Variants in FOXP1 observed in about 807,000 individuals in gnomAD.
The protein encoded by FOXP1 is forkhead box P1.
A neutral mutation model predicts 98.2 loss-of-function variants in FOXP1; 15 were observed. The ratio of observed to expected loss-of-function variants is 0.15; its 90% CI spans 0.10 to 0.24. The LOEUF (loss-of-function observed/expected upper bound fraction) is 0.24. FOXP1 is among the 10% of genes least tolerant of loss of function. The pLI, the probability that FOXP1 is intolerant of heterozygous loss-of-function variation, is 1.00. For synonymous variants in FOXP1, 371 were observed against 314.5 expected, an observed-to-expected ratio of 1.18 and a Z score of -1.90; for missense variants, 633 against 848.5, an observed-to-expected ratio of 0.75 and a Z score of 3.15.
At position 71,492,223 on chromosome 3, in the gene FOXP1, G is replaced by A. The variant is rs528564857; in HGVS notation, c.-168+1203C>T. ...TCCCAGCACTTTAGGAGGCTGAGAC[G>A]GGCGGATCACCTGAGGTCAGGAGTT... is the stretch of plus-strand genomic sequence containing the variant. On this transcript the variant is annotated intron_variant, in intron 3 of 20. Coordinates refer to ENST00000649528, the MANE Select transcript of FOXP1 (RefSeq NM_001349338.3). 1.2e-4 allele frequency among the ~76,000 whole-genome samples: 18 copies of A among 152,160 alleles called. No individual in the cohort carries two copies. In the South Asian group the frequency reaches 2.7e-3, roughly 23 times the overall value.
chr3:71,068,938 G>T (rs896702085), intron 7 of FOXP1, among the ~76,000 whole-genome samples: 4 of 152,198 alleles, frequency 2.6e-5, no homozygotes, highest in Admixed American at 1.3e-4. Flanking sequence ...GAGATCTGGG[G>T]ATTTGTCTCC....
chr3:71,543,693 A>G (rs1284319692), intron 2 of FOXP1: 3 of 152,238 alleles, frequency 2.0e-5, no homozygotes, highest in Non-Finnish European at 4.4e-5. Flanking sequence ...CTGCCTCAAA[A>G]CAGAGTGGGG....
chr3:71,042,540 C>A (rs1315293785), intron 10 of FOXP1, among the ~76,000 whole-genome samples: 1 of 152,172 alleles, frequency 6.6e-6, no homozygotes, highest in Non-Finnish European at 1.5e-5. Context: ...AGCAACAAAA[C>A]TTCCTTTGGA....
intron 4 of FOXP1, among the ~76,000 whole-genome samples, chr3:71,344,540 A>G (rs535602225): frequency 1.3e-5 from 2 of 152,364 alleles, no homozygotes; most frequent in Admixed American, 1.3e-4. Context: ...CAGACCAAAT[A>G]AGAATCATAT....
intron 2 of FOXP1, among the ~76,000 whole-genome samples, chr3:71,564,193 T>C (rs1287235396): frequency 6.6e-6 from 1 of 152,240 alleles, no homozygotes; most frequent in Non-Finnish European, 1.5e-5. Context: ...ATTAACCTGA[T>C]GTTCCAAAGC....
intron 17 of FOXP1, among the ~76,000 whole-genome samples, chr3:70,976,565 T>C (rs892182264): frequency 2.0e-5 from 3 of 152,172 alleles, no homozygotes; most frequent in Admixed American, 6.5e-5. Context: ...TGGAGATAGA[T>C]CGCTGGAGAT....
At chr3:71,095,889 C>T (rs940027231) in intron 7 of FOXP1, among the ~76,000 whole-genome samples, 2 of 152,208 alleles carry the variant, frequency 1.3e-5, no homozygotes, top group Non-Finnish European at 2.9e-5. Context: ...AGGAGATGAA[C>T]TGTACATTTT....
At chr3:71,298,520 G>A (rs932509877) in intron 5 of FOXP1, among the ~76,000 whole-genome samples, 7 of 152,076 alleles carry the variant, frequency 4.6e-5, no homozygotes, top group Non-Finnish European at 1.0e-4. Flanking sequence ...CCTCAGCAAA[G>A]GGAAGTGTCT....
chr3:70,972,720 A>T, intron 17 of FOXP1, 44 bp from the exon 18 acceptor site: 1 of 1,602,772 alleles, frequency 6.2e-7, no homozygotes, highest in Non-Finnish European at 8.5e-7. Flanking sequence ...TTTCTATAAG[A>T]AAAGACTCCA....
chr3:71,206,365 T>C (rs374178545), intron 5 of FOXP1, among the ~76,000 whole-genome samples: 2 of 152,218 alleles, frequency 1.3e-5, no homozygotes, highest in East Asian at 1.9e-4. Flanking sequence ...GATGATCTCA[T>C]TAAACATTGA....
chr3:71,472,843 G>A (rs1475943202), intron 3 of FOXP1, among the ~76,000 whole-genome samples: 1 of 152,180 alleles, frequency 6.6e-6, no homozygotes, highest in African/African-American at 2.4e-5. Context: ...TAGCTCTGCA[G>A]CTGCCATTTA....
At chr3:71,465,592 T>C (rs2088625223) in intron 3 of FOXP1, among the ~76,000 whole-genome samples, 2 of 152,148 alleles carry the variant, frequency 1.3e-5, no homozygotes, top group South Asian at 2.1e-4. Context: ...AACCTCACGT[T>C]TATTCATGCA....
chr3:71,387,193 T>G (rs1864898), intron 3 of FOXP1, among the ~76,000 whole-genome samples: 32,187 of 152,114 alleles, frequency 0.21, 4,528 homozygotes, highest in African/African-American at 0.39. Context: ...AAGGACAGAA[T>G]TTGAATATGA....
chr3:71,047,835 G>T (rs1447583505), intron 9 of FOXP1, among the ~76,000 whole-genome samples: 4 of 152,142 alleles, frequency 2.6e-5, no homozygotes, highest in African/African-American at 9.7e-5. Flanking sequence ...TGAAAAGAAG[G>T]GGCTTTACGA....
Position 71,359,260 on chromosome 3 carries a change from AAAG to A in FOXP1, c.-167-19_-167-17del, listed in dbSNP as rs2078385381. On this transcript the variant is annotated splice_polypyrimidine_tract_variant and intron_variant, in intron 3 of 20. Transcript: ENST00000649528. ...CAGAGGGAAGCTGAAAGCAAAAAGA[AAAG>A]AAGAGGTTAAGTGAAGGGGCAAATG... 1 of 152,224 alleles carries A rather than the reference AAAG, an allele frequency of 6.6e-6. No individual in the cohort carries two copies. The allele number at this position is 152,224 out of a possible 1,614,324, so 9.4% of individuals were successfully genotyped here.
chr3:71,577,048 G>A (rs897442607), intron 2 of FOXP1, among the ~76,000 whole-genome samples: 2 of 152,186 alleles, frequency 1.3e-5, no homozygotes, highest in Non-Finnish European at 2.9e-5. Flanking sequence ...TAGATTTCAC[G>A]ACTGGGTAAA....
At chr3:71,488,989 G>T (rs911001025) in intron 3 of FOXP1, among the ~76,000 whole-genome samples, 4 of 152,112 alleles carry the variant, frequency 2.6e-5, no homozygotes, top group Admixed American at 1.3e-4. Flanking sequence ...ACAACACCGT[G>T]GGCTGGCCCC....
At chr3:71,349,256 AT>A (rs1183297920) in intron 4 of FOXP1, among the ~76,000 whole-genome samples, 3 of 152,258 alleles carry the variant, frequency 2.0e-5, no homozygotes, top group South Asian at 2.1e-4. Context: ...CAATAAAAAA[AT>A]AACTTAGCAG....
At position 71,223,357 on chromosome 3, in the gene FOXP1, A is replaced by G. The variant is rs146436446; in HGVS notation, c.-11-24965T>C. ...TTTTCCTACATTGACCTGAATTCCTATGAATGCTTTCAAACCCAGTTCAAA... is the reference window on the plus strand; with the variant it reads ...TTTTCCTACATTGACCTGAATTCCTGTGAATGCTTTCAAACCCAGTTCAAA... On this transcript the variant is annotated intron_variant, in intron 5 of 20. Transcript: ENST00000649528. Among the ~76,000 whole-genome samples, 119 of 152,160 alleles carry G rather than the reference A, an allele frequency of 7.8e-4. 1 individual carries two copies. The East Asian group carries it at 0.02, about 26-fold the overall frequency.
Sources: allele counts gnomAD v4.1 joint callset (sites outside exome capture counted in the v4.1 genomes callset), GRCh38; gene constraint gnomAD v4.1.1; transcripts MANE v1.5; gene names NCBI Gene and HGNC (gene_info 2026-07-23, HGNC 2026-07-21).